FHAD1: variants seen among roughly 807,000 people sequenced by gnomAD.
FHAD1 encodes forkhead associated phosphopeptide binding domain 1, also known as forkhead-associated domain-containing protein 1.
Under a neutral mutation model 191.3 loss-of-function variants are expected in FHAD1, and 146 were observed. The observed-to-expected ratio is 0.76, with a 90% CI of 0.67 to 0.88. The LOEUF (loss-of-function observed/expected upper bound fraction) is 0.88. Among genes scored for constraint, FHAD1 ranks in the 40% least tolerant of loss-of-function variants. FHAD1 has a pLI of 0.00. For missense variants in FHAD1, 1,635 were observed against 1,785.8 expected (o/e 0.92, Z 1.52); for synonymous variants, 616 against 672.3 (o/e 0.92, Z 1.29).
chr1:15,364,873 C>T (rs1695909104), intron 23 of FHAD1, among the ~76,000 whole-genome samples: 1 of 152,162 alleles, frequency 6.6e-6, no homozygotes, highest in South Asian at 2.1e-4. Flanking sequence ...CTGCTGGGCG[C>T]CCTTCACCTC....
intron 2 of FHAD1, among the ~76,000 whole-genome samples, chr1:15,266,074 G>A (rs143590886): frequency 6.7e-4 from 102 of 151,990 alleles, no homozygotes; most frequent in African/African-American, 2.2e-3. Flanking sequence ...CCCAAAGGGC[G>A]AATATGTTTT....
intron 10 of FHAD1, among the ~76,000 whole-genome samples, chr1:15,322,332 A>C (rs1676599092): frequency 6.6e-6 from 1 of 152,210 alleles, no homozygotes; most frequent in African/African-American, 2.4e-5. Context: ...CAAACATTTC[A>C]TCTCTTTTCA....
At chr1:15,293,601 C>T (rs997238758) in intron 4 of FHAD1, among the ~76,000 whole-genome samples, 1 of 152,116 alleles carries the variant, frequency 6.6e-6, no homozygotes, top group East Asian at 1.9e-4. Context: ...ACCTGTAATC[C>T]CAGCTACTCA....
chr1:15,253,072 T>G (rs1421375422), intron 2 of FHAD1, among the ~76,000 whole-genome samples: 3 of 152,022 alleles, frequency 2.0e-5, no homozygotes, highest in African/African-American at 7.3e-5. Context: ...ACACCTACCT[T>G]CCACCCAGTT....
At chr1:15,253,933 C>T (rs1421162759) in intron 2 of FHAD1, among the ~76,000 whole-genome samples, 1 of 152,152 alleles carries the variant, frequency 6.6e-6, no homozygotes, top group African/African-American at 2.4e-5. Flanking sequence ...ATTATATTAA[C>T]TGTAGGGTTT....
intron 1 of FHAD1, among the ~76,000 whole-genome samples, chr1:15,250,153 C>T (rs1392946776): frequency 6.6e-6 from 1 of 152,208 alleles, no homozygotes; most frequent in Non-Finnish European, 1.5e-5. Context: ...TGTCATTTCA[C>T]TGACTTTTCA....
At chr1:15,250,517 G>C (rs901678931) in intron 1 of FHAD1, among the ~76,000 whole-genome samples, 5 of 152,180 alleles carry the variant, frequency 3.3e-5, no homozygotes, top group Non-Finnish European at 5.9e-5. Context: ...ATAGTAAAAT[G>C]CTGGGGGGAA....
At chr1:15,294,033 A>G (rs190225475) in intron 4 of FHAD1, among the ~76,000 whole-genome samples, 11 of 152,136 alleles carry the variant, frequency 7.2e-5, no homozygotes, top group African/African-American at 2.4e-4. Context: ...TCCGCTCCCA[A>G]ACTTCCACCG....
At chr1:15,322,633 G>A (rs925881355) in intron 10 of FHAD1, among the ~76,000 whole-genome samples, 1 of 152,228 alleles carries the variant, frequency 6.6e-6, no homozygotes, top group Non-Finnish European at 1.5e-5. Flanking sequence ...GTGCTCAATA[G>A]CCAGATGTGG....
intron 3 of FHAD1, among the ~76,000 whole-genome samples, 187 bp downstream of exon 3, chr1:15,272,716 A>G (rs1656639713): frequency 6.6e-6 from 1 of 152,132 alleles, no homozygotes; most frequent in African/African-American, 2.4e-5. Context: ...GGAAGGAGAG[A>G]ATCTTAGCAC....
At position 15,345,120 on chromosome 1, in the gene FHAD1, C is replaced by T. The variant is rs1274254316; in HGVS notation, c.2168C>T (p.Ala723Val). The T allele has an allele frequency of 1.9e-6, 3 of 1,551,724 alleles. No homozygotes were observed. The highest frequency in any genetic ancestry group is 2.6e-6 in the Non-Finnish European group (3 of 1,147,002). ...TACATTACTCAAGAGAGAAACAGAG[C>T]GAAAGAGACTTTAGAGGAAGAACGG... ...EEYITQERNR[A>V]KETLEEERKR... The change falls in exon 17 of 34, where the codon GCG becomes GTG. Residue 723 changes from alanine (A) to valine (V), a missense_variant. By Grantham distance (64) the Ala-to-Val change is moderately conservative. Coordinates refer to ENST00000688493, the MANE Select transcript of FHAD1 (RefSeq NM_001391957.1).
Position 15,365,938 on chromosome 1 carries a change from G to A in FHAD1, c.3154+5G>A. 1 of 1,543,494 alleles carries A rather than the reference G, an allele frequency of 6.5e-7. No individual in the cohort carries two copies. Among genetic ancestry groups the A allele is most frequent in the Non-Finnish European group, 8.8e-7 (1 of 1,139,634 alleles). On this transcript the variant is annotated splice_donor_5th_base_variant and intron_variant, in intron 24 of 33. Transcript: ENST00000688493. ...GCAGAATGTCGGATTTGAGAGGTTT[G>A]AACAATTTCTGGTGTCTCTTGACCT...
chr1:15,253,148 C>CTGTGTGTGTGTG (rs5772631), intron 2 of FHAD1, among the ~76,000 whole-genome samples: 177 of 146,140 alleles, frequency 1.2e-3, no homozygotes, highest in African/African-American at 3.6e-3. Flanking sequence ...GACATAAGTG[C>CTGTGTGTGTGTG]TGTGTGTGTG....
chr1:15,361,736 G>C (rs186911384), intron 22 of FHAD1, among the ~76,000 whole-genome samples: 37 of 149,070 alleles, frequency 2.5e-4, no homozygotes, highest in African/African-American at 8.9e-4. Context: ...GGCCAGGTCA[G>C]TGGCTCACGC....
intron 23 of FHAD1, chr1:15,363,606 T>A (rs1237793229): frequency 3.1e-5 from 11 of 354,442 alleles, no homozygotes; most frequent in Non-Finnish European, 1.1e-5. Context: ...CACTCACAGG[T>A]GTTATTAAGC....
chr1:15,268,961 T>C (rs918448227), intron 2 of FHAD1, among the ~76,000 whole-genome samples: 6 of 152,152 alleles, frequency 3.9e-5, no homozygotes, highest in Non-Finnish European at 7.3e-5. Flanking sequence ...GTTCACTCTA[T>C]ATTTATTATA....
intron 24 of FHAD1, among the ~76,000 whole-genome samples, chr1:15,366,284 CAAAAAAAA>C (rs35252287): frequency 9.0e-5 from 4 of 44,446 alleles, no homozygotes; most frequent in Admixed American, 2.6e-4. Context: ...GACTCTGTCT[CAAAAAAAA>C]AAAAAAAAAA....
intron 2 of FHAD1, among the ~76,000 whole-genome samples, chr1:15,270,711 A>G (rs975669102): frequency 1.3e-5 from 2 of 152,154 alleles, no homozygotes; most frequent in Non-Finnish European, 2.9e-5. Flanking sequence ...CAAAGTCTCA[A>G]GCTGGCATGG....
chr1:15,333,824 C>CTT (rs55698715), intron 14 of FHAD1, among the ~76,000 whole-genome samples: 1,641 of 64,798 alleles, frequency 0.025, 243 homozygotes, highest in African/African-American at 0.076. Context: ...TTTTATTTAT[C>CTT]TTTTTTTTTT....
Sources: allele counts gnomAD v4.1 joint callset (sites outside exome capture counted in the v4.1 genomes callset), GRCh38; gene constraint gnomAD v4.1.1; transcripts MANE v1.5; gene names NCBI Gene and HGNC (gene_info 2026-07-23, HGNC 2026-07-21).